Variants in SLC16A2 observed in about 807,000 individuals in gnomAD.
SLC16A2 encodes the protein monocarboxylate transporter 8.
In SLC16A2, 3 loss-of-function variants were observed where a neutral mutation model predicts 27.2. That is an observed-to-expected ratio of 0.11 (90% confidence interval 0.05 to 0.28). The LOEUF (loss-of-function observed/expected upper bound fraction) is 0.28, where lower values mean the gene tolerates loss of function less well. SLC16A2 is among the 10% of genes least tolerant of loss of function. SLC16A2 has a pLI of 1.00. For missense variants in SLC16A2, 295 were observed against 458.5 expected (o/e 0.64, Z 3.26); for synonymous variants, 202 against 187.8 (o/e 1.08, Z -0.62).
At chrX:74,485,365 G>A in intron 1 of SLC16A2, among the ~76,000 whole-genome samples, 1 of 110,494 alleles carries the variant, frequency 9.1e-6, no homozygotes, top group East Asian at 2.8e-4. Flanking sequence ...GAAAACATAA[G>A]CATTTTTCTA....
intron 1 of SLC16A2, among the ~76,000 whole-genome samples, chrX:74,494,659 C>T (rs780759049): frequency 3.2e-4 from 36 of 111,200 alleles, no homozygotes; most frequent in South Asian, 3.1e-3. Flanking sequence ...CTAGGATTGT[C>T]CTGGAAACCA....
chrX:74,503,605 T>C (rs967938696), intron 1 of SLC16A2, among the ~76,000 whole-genome samples: 10 of 111,743 alleles, frequency 8.9e-5, no homozygotes, highest in African/African-American at 3.3e-4. Context: ...CCATAGATAA[T>C]GCAGCTGGGA....
chrX:74,450,459 T>C (rs1928917587), intron 1 of SLC16A2, among the ~76,000 whole-genome samples: 1 of 111,440 alleles, frequency 9.0e-6, no homozygotes, highest in Non-Finnish European at 1.9e-5. Flanking sequence ...GGGTCTTCCA[T>C]TTCTGGGAGT....
chrX:74,436,016 G>A (rs904146636), intron 1 of SLC16A2, among the ~76,000 whole-genome samples: 6 of 111,498 alleles, frequency 5.4e-5, no homozygotes, highest in Admixed American at 2.9e-4. Context: ...CCTGACAAGG[G>A]GCTGAGGGTG....
At chrX:74,502,902 G>A (rs1214872215) in intron 1 of SLC16A2, among the ~76,000 whole-genome samples, 1 of 110,527 alleles carries the variant, frequency 9.0e-6, no homozygotes, top group African/African-American at 3.3e-5. Flanking sequence ...CACCAAACAA[G>A]CTCCCTTTAC....
At chrX:74,484,899 G>A (rs763550133) in intron 1 of SLC16A2, among the ~76,000 whole-genome samples, 49 of 111,761 alleles carry the variant, frequency 4.4e-4, no homozygotes, top group African/African-American at 1.6e-3. Flanking sequence ...GAATGGATGT[G>A]GACAGGCATT....
intron 1 of SLC16A2, among the ~76,000 whole-genome samples, chrX:74,511,150 T>G (rs1569297682): frequency 9.0e-6 from 1 of 111,433 alleles, no homozygotes; most frequent in African/African-American, 3.3e-5. Context: ...TGTGGAGAGA[T>G]AAAAATGAGA....
intron 1 of SLC16A2, among the ~76,000 whole-genome samples, chrX:74,461,578 C>G (rs1929145423): frequency 9.0e-6 from 1 of 111,039 alleles, no homozygotes; most frequent in Admixed American, 9.6e-5. Context: ...TTGGCGGTTC[C>G]CTCACACGCA....
intron 1 of SLC16A2, among the ~76,000 whole-genome samples, chrX:74,461,189 A>C (rs1929134375): frequency 8.9e-6 from 1 of 111,956 alleles, no homozygotes; most frequent in Non-Finnish European, 1.9e-5. Context: ...TTTTGGACTG[A>C]GAGTCAGAGA....
chrX:74,497,823 C>T (rs774132943), intron 1 of SLC16A2, among the ~76,000 whole-genome samples: 3 of 101,131 alleles, frequency 3.0e-5, no homozygotes, highest in Non-Finnish European at 4.0e-5. Context: ...TACATCCTTG[C>T]TGCTCTTCTC....
rs1569298945 is a variant in SLC16A2 at position 74,519,750 on chromosome X, A to AAC, written c.431-1240_431-1239insAC. Reference sequence around the variant, plus strand: ...AAAAAACAAAAAAAAAACGAAAGAAAGAAAAAGAAAAAGAAATGTTTGAGG... The same window carrying AAC: ...AAAAAACAAAAAAAAAACGAAAGAAAACGAAAAAGAAAAAGAAATGTTTGAGG... On this transcript the variant is annotated intron_variant, in intron 1 of 5. Coordinates refer to ENST00000587091, the MANE Select transcript of SLC16A2 (RefSeq NM_006517.5). 5.3e-5 allele frequency among the ~76,000 whole-genome samples: 4 copies of AAC among 75,937 alleles called. 1 individual carries two copies. Among genetic ancestry groups the AAC allele is most frequent in the Non-Finnish European group, 1.1e-4 (4 of 35,238 alleles). 65.9% of individuals were successfully genotyped at this position (75,937 alleles called of 115,157 possible). A position where few individuals can be genotyped will look rare whatever the true frequency, so the allele number is the denominator to read the frequency against.
chrX:74,428,274 T>C (rs1307912586), intron 1 of SLC16A2, among the ~76,000 whole-genome samples: 1 of 110,746 alleles, frequency 9.0e-6, no homozygotes, highest in Non-Finnish European at 1.9e-5. Context: ...CACCTCCTTG[T>C]GGATGGGGAA....
chrX:74,435,516 T>TATAC (rs1928611301), intron 1 of SLC16A2, among the ~76,000 whole-genome samples: 1 of 62,047 alleles, frequency 1.6e-5, no homozygotes, highest in African/African-American at 8.1e-5. Context: ...TATATGCATA[T>TATAC]ATATATATGC....
Position 74,457,259 on chromosome X carries a change from T to C in SLC16A2, c.430+35192T>C, listed in dbSNP as rs986715835. Among the ~76,000 whole-genome samples the C allele has an allele frequency of 2.7e-5, 3 of 111,748 alleles. No individual in the cohort carries two copies. The East Asian group carries it at 8.5e-4, about 32-fold the overall frequency. On this transcript the variant is annotated intron_variant, in intron 1 of 5. Coordinates refer to ENST00000587091, the MANE Select transcript of SLC16A2 (RefSeq NM_006517.5). ...TTTGTTACATATGTATACATGTCCA[T>C]CAATGATGGAGTGATATTTTTAAAA...
chrX:74,495,392 TC>T (rs1283104811), intron 1 of SLC16A2, among the ~76,000 whole-genome samples: 2 of 107,584 alleles, frequency 1.9e-5, no homozygotes, highest in African/African-American at 6.6e-5. Flanking sequence ...GCCTCACCTC[TC>T]CCTCCCACAG....
intron 1 of SLC16A2, among the ~76,000 whole-genome samples, chrX:74,500,249 C>T (rs1452703205): frequency 9.0e-6 from 1 of 111,021 alleles, no homozygotes; most frequent in Non-Finnish European, 1.9e-5. Flanking sequence ...GACATCCTGT[C>T]CCTTATTTCT....
intron 1 of SLC16A2, among the ~76,000 whole-genome samples, chrX:74,422,678 C>G (rs1324771253): frequency 8.9e-6 from 1 of 112,091 alleles, no homozygotes; most frequent in Non-Finnish European, 1.9e-5. Context: ...GGTGTGAGTG[C>G]GTCTCTGGCC....
chrX:74,450,282 G>T (rs867053882), intron 1 of SLC16A2, among the ~76,000 whole-genome samples: 1 of 112,036 alleles, frequency 8.9e-6, no homozygotes, highest in Non-Finnish European at 1.9e-5. Context: ...AATAATGGCC[G>T]AACAGATGAA....
intron 2 of SLC16A2, among the ~76,000 whole-genome samples, chrX:74,522,588 G>GT (rs1930424325): frequency 8.9e-6 from 1 of 111,969 alleles, no homozygotes; most frequent in African/African-American, 3.2e-5. Flanking sequence ...GCAAAGGTCT[G>GT]TTTTTTAAGA....
Sources: gnomAD v4.1 joint callset for allele counts (sites outside exome capture counted in the v4.1 genomes callset) on GRCh38, gnomAD v4.1.1 for gene constraint, MANE v1.5 for transcripts, NCBI Gene and HGNC (gene_info 2026-07-23, HGNC 2026-07-21) for gene names.